The following POLD1 variants were observed in gnomAD, a reference collection of about 807,000 sequenced individuals.
The protein encoded by POLD1 is DNA polymerase delta catalytic subunit.
Under a neutral mutation model 129.7 loss-of-function variants are expected in POLD1, and 79 were observed. The ratio of observed to expected loss-of-function variants is 0.61; its 90% CI spans 0.51 to 0.73. The LOEUF (loss-of-function observed/expected upper bound fraction) is 0.73, where lower values mean the gene tolerates loss of function less well. Among genes scored for constraint, POLD1 ranks in the 30% least tolerant of loss-of-function variants. The pLI, the probability that POLD1 is intolerant of heterozygous loss-of-function variation, is 0.00. For missense variants in POLD1, 1,338 were observed against 1,595.8 expected, an observed-to-expected ratio of 0.84 and a Z score of 2.75; for synonymous variants, 714 against 683.3, an observed-to-expected ratio of 1.04 and a Z score of -0.70.
At chr19:50,410,957 C>CGTTTT in intron 17 of POLD1, 1 of 124,242 alleles carries the variant, frequency 8.0e-6, no homozygotes. Flanking sequence ...ACACAAACAC[C>CGTTTT]TTTTTTTTTT....
chr19:50,406,203 G>A lies in POLD1; in HGVS notation c.1264G>A (p.Gly422Ser), dbSNP rs2122316646. Reference protein sequence around the residue: ...TLKVQTFPFLGRVAGLCSNIR... With the variant: ...TLKVQTFPFLSRVAGLCSNIR... ...TCAGGTACAAACATTCCCTTTCCTG[G>A]GCCGTGTGGCCGGCCTTTGCTCCAA... The change falls in exon 11 of 27, where the codon GGC becomes AGC. Residue 422 changes from glycine (G) to serine (S), a missense_variant. By Grantham distance (56) the Gly-to-Ser change is moderately conservative. Coordinates refer to ENST00000440232, the MANE Select transcript of POLD1 (RefSeq NM_002691.4). This position sits in a 1 kb window ranked among gnomAD's most constrained non-coding sequence, Gnocchi z 5.5. 6.2e-7 allele frequency: 1 copy of A among 1,613,836 alleles called. No individual in the cohort carries two copies. The highest frequency in any genetic ancestry group is 8.5e-7 in the Non-Finnish European group (1 of 1,179,872).
chr19:50,390,986 C>T (rs981949745), intron 1 of POLD1, among the ~76,000 whole-genome samples: 2 of 152,188 alleles, frequency 1.3e-5, no homozygotes, highest in African/African-American at 4.8e-5. Flanking sequence ...TACACAGACA[C>T]AGCAACAATC....
rs2038654431 is a variant in POLD1, at chr19:50,401,943, G to C, written c.463+19G>C. ...CCCCCTGGTGAGTGGCCCCTACCCA[G>C]CCCCTCCCTGAGCCACTGGAGCCCC... On this transcript the variant is annotated intron_variant, in intron 4 of 26. Coordinates refer to ENST00000440232, the MANE Select transcript of POLD1 (RefSeq NM_002691.4). The C allele has an allele frequency of 6.2e-7, 1 of 1,613,914 alleles. No homozygotes were observed. Among genetic ancestry groups the C allele is most frequent in the Non-Finnish European group, 8.5e-7 (1 of 1,179,918 alleles).
At chr19:50,414,770 C>A in intron 19 of POLD1, 45 bp from the exon 20 acceptor site, 1 of 1,437,600 alleles carries the variant, frequency 7.0e-7, no homozygotes, top group Non-Finnish European at 9.3e-7. Context: ...CAGATTGGGG[C>A]TTGGCCTCCT....
rs1448230332 is a variant in POLD1 at position 50,415,775 on chromosome 19, C to A, written c.2769C>A (p.Pro923=). The A allele has an allele frequency of 6.4e-7, 1 of 1,571,868 alleles. No individual in the cohort carries two copies. The highest frequency in any genetic ancestry group is 1.2e-5 in the South Asian group (1 of 85,650). Residue 923 remains proline, a synonymous_variant, in exon 22 of 27, where the codon CCC becomes CCA. Transcript: ENST00000440232. ...CGCCCAGCCTGGGCGACCGCGTCCC[C>A]TACGTGATCATCAGTGCCGCCAAGG... is the stretch of plus-strand genomic sequence containing the variant. ...GSAPSLGDRV[P]YVIISAAKGV... is the part of the protein sequence containing the mutation.
At chr19:50,391,432 C>G (rs2038164054) in intron 1 of POLD1, among the ~76,000 whole-genome samples, 1 of 152,202 alleles carries the variant, frequency 6.6e-6, no homozygotes, top group African/African-American at 2.4e-5. Context: ...GAGCGAGACT[C>G]CGTCTGCAAT....
chr19:50,388,882 G>A (rs1298363824), intron 1 of POLD1, among the ~76,000 whole-genome samples: 1 of 142,792 alleles, frequency 7.0e-6, no homozygotes. Context: ...ACCCAGGCTG[G>A]AGTACAGTGG....
chr19:50,407,385 C>T lies in POLD1; in HGVS notation c.1745C>T (p.Thr582Met), dbSNP rs547831370. 34 of 1,610,390 alleles carry T rather than the reference C, an allele frequency of 2.1e-5. No individual in the cohort carries two copies. The highest frequency in any genetic ancestry group is 1.6e-4 in the Middle Eastern group (1 of 6,076). The change falls in exon 14 of 27, where the codon ACG becomes ATG. Residue 582 changes from threonine to methionine, a missense_variant. Coordinates refer to ENST00000440232, the MANE Select transcript of POLD1 (RefSeq NM_002691.4). ...VVKSEGGEDY[T>M]GATVIEPLKG... ...AAGTCAGAGGGCGGCGAGGACTACA[C>T]GGGAGCCACTGTCATCGAGCCCCTC...
chr19:50,403,654 C>A, intron 10 of POLD1, 57 bp downstream of exon 10: 1 of 1,063,742 alleles, frequency 9.4e-7, no homozygotes, highest in Non-Finnish European at 1.5e-6. Flanking sequence ...GGCCTCCGGG[C>A]CCTGGGCCTC....
chr19:50,401,343 ATG>A (rs1273035871), intron 3 of POLD1, among the ~76,000 whole-genome samples: 1 of 127,254 alleles, frequency 7.9e-6, no homozygotes, highest in African/African-American at 3.2e-5. Flanking sequence ...TACATATAAT[ATG>A]TGTGTGTATT....
Position 50,413,538 on chromosome 19 carries a change from C to T in POLD1, c.2250+17C>T, listed in dbSNP as rs776587105. ...AGTGCCAAGGTCGGGGGCTGCCCAC[C>T]GCTGCCCTGAGATGGGCCCAGGGCA... is the stretch of plus-strand genomic sequence containing the variant. On this transcript the variant is annotated intron_variant, in intron 18 of 26. Transcript: ENST00000440232. 48 of 1,591,786 alleles carry T rather than the reference C, an allele frequency of 3.0e-5. No homozygotes were observed. Among genetic ancestry groups the T allele is most frequent in the Middle Eastern group, 1.6e-4 (1 of 6,062 alleles).
rs2038664282 is a variant in POLD1 at position 50,402,087 on chromosome 19, G to C, written c.552G>C (p.Gly184=). Reference sequence around the variant, plus strand: ...GTCGCGGGGGGAGGGAGCTGACTGGGCCGGCCGTGCTGGCTGTGGAACTGT... The same window carrying C: ...GTCGCGGGGGGAGGGAGCTGACTGGCCCGGCCGTGCTGGCTGTGGAACTGT... ...RDSRGGRELT[G]PAVLAVELCS... is the part of the protein sequence containing the mutation. Residue 184 remains glycine, a synonymous_variant, in exon 5 of 27, where the codon GGG becomes GGC. Transcript: ENST00000440232. 1 of 1,613,884 alleles carries C rather than the reference G, an allele frequency of 6.2e-7. No individual in the cohort carries two copies. Among genetic ancestry groups the C allele is most frequent in the East Asian group, 2.2e-5 (1 of 44,872 alleles).
At chr19:50,386,748 C>T (rs1245231268) in intron 1 of POLD1, among the ~76,000 whole-genome samples, 1 of 152,172 alleles carries the variant, frequency 6.6e-6, no homozygotes, top group Non-Finnish European at 1.5e-5. Context: ...TCAGTCCTTG[C>T]TCTGCCATCC....
At chr19:50,405,641 G>A (rs961663721) in intron 10 of POLD1, among the ~76,000 whole-genome samples, 9 of 152,108 alleles carry the variant, frequency 5.9e-5, no homozygotes, top group East Asian at 3.9e-4. Flanking sequence ...ATTCCACAGC[G>A]TGGCGCTGAT....
rs192514500 is a variant in POLD1, at chr19:50,391,137, C to G, written c.-2+6747C>G. Among the ~76,000 whole-genome samples, 995 of 150,746 alleles carry G rather than the reference C, an allele frequency of 6.6e-3. 38 individuals carry two copies. Among genetic ancestry groups the G allele is most frequent in the African/African-American group, 0.023 (953 of 40,560 alleles). On this transcript the variant is annotated intron_variant, in intron 1 of 26. Transcript: ENST00000440232. ...GCAGAGGCGCTCCTCACATCCCAGA[C>G]GGGGCGTCGGGGCAGAGGCGCTCCC...
At chr19:50,415,322 C>T in intron 20 of POLD1, 116 bp from the exon 21 acceptor site, 1 of 1,073,782 alleles carries the variant, frequency 9.3e-7, no homozygotes, top group Non-Finnish European at 1.4e-6. Flanking sequence ...GGGCCCCTCT[C>T]TGCCCTGAGC....
In POLD1 at chr19:50,409,419, G is replaced by A; in HGVS notation, c.2007-100G>A. 1 of 1,527,788 alleles carries A rather than the reference G, an allele frequency of 6.5e-7. No homozygotes were observed. Among genetic ancestry groups the A allele is most frequent in the South Asian group, 1.1e-5 (1 of 87,164 alleles). 94.6% of individuals were successfully genotyped at this position (1,527,788 alleles called of 1,614,324 possible). On this transcript the variant is annotated intron_variant, in intron 16 of 26. Coordinates refer to ENST00000440232, the MANE Select transcript of POLD1 (RefSeq NM_002691.4). The surrounding 1 kb of genome is among the most constrained non-coding windows in gnomAD (Gnocchi z 5.8). ...CCTTGGCCAGAAGCTTCTGTGCAGT[G>A]CACAGTACGCCCAACCGTACATGGC...
chr19:50,401,661 A>G (rs2038634839), intron 3 of POLD1, 117 bp from the exon 4 acceptor site: 7 of 1,087,498 alleles, frequency 6.4e-6, no homozygotes, highest in African/African-American at 1.6e-5. Context: ...GACACAGGGA[A>G]CGGTACAGGG....
intron 3 of POLD1, among the ~76,000 whole-genome samples, chr19:50,400,555 C>CA (rs2038560051): frequency 2.5e-5 from 2 of 81,266 alleles, no homozygotes; most frequent in African/African-American, 1.2e-4. Context: ...TTTTTTGAGA[C>CA]AGAGTCTCCC....
Sources: gnomAD v4.1 joint callset for allele counts (sites outside exome capture counted in the v4.1 genomes callset) on GRCh38, gnomAD v4.1.1 for gene constraint, Gnocchi (gnomAD v3.1) non-coding constraint, MANE v1.5 for transcripts, NCBI Gene and HGNC (gene_info 2026-07-23, HGNC 2026-07-21) for gene names.